Variants in OGDH observed in about 807,000 individuals in gnomAD.
OGDH encodes oxoglutarate dehydrogenase, also known as 2-oxoglutarate dehydrogenase complex component E1.
OGDH carries 38 observed loss-of-function variants against 116.6 expected under a neutral mutation model. The observed-to-expected ratio is 0.33, with a 90% CI of 0.25 to 0.43. The LOEUF (loss-of-function observed/expected upper bound fraction) is 0.43, where lower values mean the gene tolerates loss of function less well. OGDH is among the 20% of genes least tolerant of loss of function. The pLI is 1.00. For synonymous variants in OGDH, 488 were observed against 533.3 expected, an observed-to-expected ratio of 0.92 and a Z score of 1.17; for missense variants, 825 against 1,357.2, an observed-to-expected ratio of 0.61 and a Z score of 6.16.
intron 10 of OGDH, 141 bp downstream of exon 10, chr7:44,681,989 G>A (rs530132280): frequency 7.9e-6 from 9 of 1,133,212 alleles, no homozygotes; most frequent in South Asian, 1.5e-5. Context: ...GCTCACGCCT[G>A]TAATCGTAGC....
Position 44,680,772 on chromosome 7 carries a change from A to C in OGDH, c.1207-948A>C, listed in dbSNP as rs77945045. 1.9e-3 allele frequency among the ~76,000 whole-genome samples: 288 copies of C among 152,240 alleles called. 5 individuals carry two copies. The East Asian group carries it at 0.047, about 25-fold the overall frequency. ...CAGGGCTGGACAGGGACAGTACAAC[A>C]TGGAAGCTACAATGTTCTGTTGGTC... On this transcript the variant is annotated intron_variant, in intron 9 of 22. Transcript: ENST00000222673.
intron 4 of OGDH, among the ~76,000 whole-genome samples, chr7:44,657,813 C>T (rs1464896660): frequency 1.3e-5 from 2 of 152,098 alleles, no homozygotes; most frequent in Non-Finnish European, 2.9e-5. Flanking sequence ...CTGTATAAGA[C>T]GTTTAGATCA....
At chr7:44,648,638 G>A (rs1427021095) in intron 4 of OGDH, among the ~76,000 whole-genome samples, 1 of 149,676 alleles carries the variant, frequency 6.7e-6, no homozygotes, top group Non-Finnish European at 1.5e-5. Flanking sequence ...GGCACTTTTG[G>A]GGAATGGTAC....
Position 44,707,773 on chromosome 7 carries a change from C to T in OGDH, c.2951+37C>T. On this transcript the variant is annotated intron_variant, in intron 22 of 22. Transcript: ENST00000222673. The surrounding 1 kb of genome is among the most constrained non-coding windows in gnomAD (Gnocchi z 5.2). ...GTCCCTGCCAGGAAGGCTGTGGGACCCTCCCCTCAGGCCAGTAGGCAGTTA... is the reference window on the plus strand; with the variant it reads ...GTCCCTGCCAGGAAGGCTGTGGGACTCTCCCCTCAGGCCAGTAGGCAGTTA... 1.9e-6 allele frequency: 3 copies of T among 1,613,538 alleles called. No homozygotes were observed. The highest frequency in any genetic ancestry group is 2.5e-6 in the Non-Finnish European group (3 of 1,179,736).
chr7:44,666,943 CCTAT>C (rs1787211149), intron 5 of OGDH, 92 bp downstream of exon 5: 1 of 733,852 alleles, frequency 1.4e-6, no homozygotes, highest in African/African-American at 1.8e-5. Flanking sequence ...TTTTCTTTGT[CCTAT>C]CTTTCTATTT....
chr7:44,691,924 A>G (rs889539573), intron 10 of OGDH, among the ~76,000 whole-genome samples: 3 of 148,470 alleles, frequency 2.0e-5, no homozygotes, highest in Non-Finnish European at 4.4e-5. Context: ...TGGAGCTTGC[A>G]GTAAGCAGAG....
intron 13 of OGDH, 146 bp downstream of exon 13, chr7:44,696,273 C>G (rs764863620): frequency 6.5e-6 from 7 of 1,084,244 alleles, no homozygotes; most frequent in Non-Finnish European, 9.5e-6. Flanking sequence ...CCCTGCAGAC[C>G]CTGGACCCAG....
At chr7:44,639,084 C>T (rs1039588118) in intron 2 of OGDH, among the ~76,000 whole-genome samples, 1 of 152,050 alleles carries the variant, frequency 6.6e-6, no homozygotes, top group Middle Eastern at 3.2e-3. Context: ...GCCAGGCCTG[C>T]GGGAAGGAAG....
chr7:44,663,721 C>T (rs1410758268), intron 4 of OGDH, among the ~76,000 whole-genome samples: 1 of 152,166 alleles, frequency 6.6e-6, no homozygotes, highest in Non-Finnish European at 1.5e-5. Flanking sequence ...TTGCAGTGAG[C>T]TGAGATGGTG....
chr7:44,685,291 C>A (rs1340641447), intron 10 of OGDH, among the ~76,000 whole-genome samples: 1 of 152,140 alleles, frequency 6.6e-6, no homozygotes, highest in Admixed American at 6.6e-5. Flanking sequence ...ACCCCCAGCC[C>A]CTGGCAACTA....
intron 6 of OGDH, 46 bp from the exon 7 acceptor site, chr7:44,674,365 A>G (rs1446773389): frequency 1.2e-6 from 2 of 1,611,372 alleles, no homozygotes; most frequent in African/African-American, 1.3e-5. Flanking sequence ...CTTTTTGGTC[A>G]GGAAGAGTGA....
rs748835257 is a variant in OGDH at position 44,707,307 on chromosome 7, C to T, written c.2715C>T (p.Thr905=). ...PENVKRLLFC[T]GKVYYDLTRE... ...ATGTCAAAAGGCTTCTCTTCTGCACCGGCAAAGTGTATTATGACCTCACCC... is the reference window on the plus strand; with the variant it reads ...ATGTCAAAAGGCTTCTCTTCTGCACTGGCAAAGTGTATTATGACCTCACCC... Residue 905 remains threonine (T), a synonymous_variant, in exon 21 of 23, where the codon ACC becomes ACT. Transcript: ENST00000222673. The surrounding 1 kb of genome is among the most constrained non-coding windows in gnomAD (Gnocchi z 5.2). The T allele has an allele frequency of 2.0e-5, 33 of 1,614,122 alleles. No homozygotes were observed. The highest frequency in any genetic ancestry group is 8.9e-5 in the East Asian group (4 of 44,900).
intron 5 of OGDH, among the ~76,000 whole-genome samples, chr7:44,668,130 A>C (rs1238458690): frequency 6.6e-6 from 1 of 152,210 alleles, no homozygotes; most frequent in Non-Finnish European, 1.5e-5. Context: ...TTGGCTGCAC[A>C]GTGGCTTAAA....
chr7:44,643,339 G>A (rs2300414), intron 2 of OGDH, among the ~76,000 whole-genome samples: 35,702 of 151,652 alleles, frequency 0.24, 7,514 homozygotes, highest in African/African-American at 0.54. Flanking sequence ...TTTTCTTTAA[G>A]TTATTTTTTC....
chr7:44,702,258 C>T (rs1053657022), intron 20 of OGDH, among the ~76,000 whole-genome samples: 1 of 152,234 alleles, frequency 6.6e-6, no homozygotes, highest in African/African-American at 2.4e-5. Flanking sequence ...CTGCCTGCGG[C>T]CTCCTTCAGC....
intron 2 of OGDH, among the ~76,000 whole-genome samples, chr7:44,635,442 C>T (rs1043469499): frequency 5.3e-5 from 8 of 152,058 alleles, no homozygotes; most frequent in East Asian, 1.9e-4. Flanking sequence ...CTGCCCCACC[C>T]GCGCCGCGGA....
chr7:44,669,439 A>G (rs1291908446), intron 5 of OGDH, among the ~76,000 whole-genome samples: 2 of 152,050 alleles, frequency 1.3e-5, no homozygotes, highest in African/African-American at 2.4e-5. Context: ...GGCATGAGCC[A>G]CTGCTCCTGG....
intron 10 of OGDH, among the ~76,000 whole-genome samples, chr7:44,686,494 A>T (rs938197843): frequency 6.6e-6 from 1 of 152,114 alleles, no homozygotes; most frequent in African/African-American, 2.4e-5. Context: ...CTTTTGTTGT[A>T]ATGCCTTTAT....
intron 1 of OGDH, among the ~76,000 whole-genome samples, chr7:44,610,989 T>C (rs1784542167): frequency 6.6e-6 from 1 of 152,218 alleles, no homozygotes; most frequent in Non-Finnish European, 1.5e-5. Flanking sequence ...TTTTATCTTT[T>C]GTTAGATTGC....
Sources: gnomAD v4.1 joint callset for allele counts (sites outside exome capture counted in the v4.1 genomes callset) on GRCh38, gnomAD v4.1.1 for gene constraint, Gnocchi (gnomAD v3.1) non-coding constraint, MANE v1.5 for transcripts, NCBI Gene and HGNC (gene_info 2026-07-23, HGNC 2026-07-21) for gene names.